Variants in MERTK observed in about 807,000 individuals in gnomAD.
The protein encoded by MERTK is tyrosine-protein kinase Mer.
Under a neutral mutation model 99.3 loss-of-function variants are expected in MERTK, and 69 were observed. The ratio of observed to expected loss-of-function variants is 0.70; its 90% CI spans 0.57 to 0.85. The LOEUF (loss-of-function observed/expected upper bound fraction) is 0.85, where lower values mean the gene tolerates loss of function less well. Ranked by LOEUF, MERTK falls within the 40% of genes least tolerant of loss-of-function variation. MERTK has a pLI of 0.00. For missense variants in MERTK, 1,125 were observed against 1,249.4 expected, an observed-to-expected ratio of 0.90 and a Z score of 1.50; for synonymous variants, 426 against 467.6, an observed-to-expected ratio of 0.91 and a Z score of 1.15.
chr2:111,954,040 T>C (rs763365481), intron 4 of MERTK, among the ~76,000 whole-genome samples: 3 of 152,194 alleles, frequency 2.0e-5, no homozygotes, highest in African/African-American at 4.8e-5. Flanking sequence ...ACCACCATAG[T>C]GAGTGATGCT....
Position 111,953,637 on chromosome 2 carries a change from G to A in MERTK, c.757+6070G>A, listed in dbSNP as rs763658578. ...GTCGCCCAGGCTGGAGTGCAATGGC[G>A]TGATCTCTGCTTATCGCAACCTCTG... On this transcript the variant is annotated intron_variant, in intron 4 of 18. Transcript: ENST00000295408. Among the ~76,000 whole-genome samples the A allele has an allele frequency of 2.0e-4, 30 of 151,954 alleles. 1 individual carries two copies. The highest frequency in any genetic ancestry group is 3.1e-4 in the Non-Finnish European group (21 of 68,016).
At chr2:111,944,691 A>G (rs1684931769) in intron 2 of MERTK, among the ~76,000 whole-genome samples, 1 of 151,864 alleles carries the variant, frequency 6.6e-6, no homozygotes, top group Non-Finnish European at 1.5e-5. Context: ...AAGGCCTTCA[A>G]CTGTTTGGAT....
intron 8 of MERTK, among the ~76,000 whole-genome samples, chr2:111,988,412 T>C (rs1676538593): frequency 6.6e-6 from 1 of 152,138 alleles, no homozygotes; most frequent in Non-Finnish European, 1.5e-5. Flanking sequence ...CATGAGTAGG[T>C]CAAATAAGCT....
At chr2:111,967,212 G>A (rs1685374033) in intron 5 of MERTK, among the ~76,000 whole-genome samples, 2 of 152,158 alleles carry the variant, frequency 1.3e-5, no homozygotes, top group South Asian at 2.1e-4. Flanking sequence ...TCAAGTCCCT[G>A]TTGTACTGCT....
chr2:111,910,272 T>TG (rs1040496960), intron 1 of MERTK, among the ~76,000 whole-genome samples: 2 of 68,012 alleles, frequency 2.9e-5, no homozygotes, highest in African/African-American at 1.2e-4. Flanking sequence ...CTCTGTTTTT[T>TG]GTTTTTTTTT....
Position 111,929,443 on chromosome 2 carries a change from T to C in MERTK, c.385T>C (p.Ser129Pro). ...TAATATATACCAGGACACCACAATTTCTTGGTGGAAAGATGGGAAGGAATT... is the reference window on the plus strand; with the variant it reads ...TAATATATACCAGGACACCACAATTCCTTGGTGGAAAGATGGGAAGGAATT... Reference protein sequence around the residue: ...VPNIYQDTTISWWKDGKELLG... With the variant: ...VPNIYQDTTIPWWKDGKELLG... Residue 129 changes from serine (S) to proline (P), a missense_variant, in exon 2 of 19, where the codon TCT (serine) becomes CCT (proline). By Grantham distance (74) the Ser-to-Pro change is moderately conservative. Coordinates refer to ENST00000295408, the MANE Select transcript of MERTK (RefSeq NM_006343.3). 1 of 1,614,128 alleles carries C rather than the reference T, an allele frequency of 6.2e-7. No individual in the cohort carries two copies. Among genetic ancestry groups the C allele is most frequent in the Non-Finnish European group, 8.5e-7 (1 of 1,179,992 alleles).
intron 5 of MERTK, among the ~76,000 whole-genome samples, chr2:111,965,562 C>T (rs552410550): frequency 6.6e-6 from 1 of 152,348 alleles, no homozygotes; most frequent in African/African-American, 2.4e-5. Context: ...TCGTTTAGCT[C>T]TGCTTACTCC....
intron 4 of MERTK, among the ~76,000 whole-genome samples, chr2:111,958,890 C>T (rs527440939): frequency 6.6e-6 from 1 of 152,022 alleles, no homozygotes; most frequent in Non-Finnish European, 1.5e-5. Context: ...CTGGCTCTTC[C>T]CCTTATGACA....
chr2:111,940,208 G>A (rs544374805), intron 2 of MERTK: 150 of 214,680 alleles, frequency 7.0e-4, no homozygotes, highest in African/African-American at 3.4e-3. Flanking sequence ...CCCCGAGAAT[G>A]TGATATATTG....
chr2:112,012,716 G>A (rs1268265077), intron 15 of MERTK, among the ~76,000 whole-genome samples: 2 of 152,068 alleles, frequency 1.3e-5, no homozygotes, highest in Admixed American at 6.5e-5. Context: ...CCCGACCTCC[G>A]GTAACTTATG....
At chr2:111,989,516 C>T (rs957933076) in intron 8 of MERTK, among the ~76,000 whole-genome samples, 10 of 152,182 alleles carry the variant, frequency 6.6e-5, no homozygotes, top group East Asian at 3.9e-4. Context: ...CCACCACGCC[C>T]GGCTAATTTT....
chr2:111,941,569 CCA>C (rs924146054), intron 2 of MERTK, among the ~76,000 whole-genome samples: 1 of 152,168 alleles, frequency 6.6e-6, no homozygotes, highest in Non-Finnish European at 1.5e-5. Context: ...GGTTGAGCCT[CCA>C]CAGAGACTGA....
At chr2:111,948,185 TC>T (rs1039407863) in intron 4 of MERTK, among the ~76,000 whole-genome samples, 19 of 152,268 alleles carry the variant, frequency 1.2e-4, no homozygotes, top group African/African-American at 3.4e-4. Context: ...GTTACCACAC[TC>T]CCTCCCTCCT....
chr2:111,982,211 C>T (rs1431016253), intron 7 of MERTK, among the ~76,000 whole-genome samples: 1 of 152,054 alleles, frequency 6.6e-6, no homozygotes, highest in Non-Finnish European at 1.5e-5. Flanking sequence ...CCTGTGCCAT[C>T]ACACCCAGCT....
intron 7 of MERTK, among the ~76,000 whole-genome samples, chr2:111,979,233 C>A (rs1328629398): frequency 6.6e-6 from 1 of 152,142 alleles, no homozygotes; most frequent in Non-Finnish European, 1.5e-5. Flanking sequence ...TGGGAACTTG[C>A]ATATCCTTAT....
intron 1 of MERTK, among the ~76,000 whole-genome samples, chr2:111,924,980 G>A (rs534744784): frequency 2.0e-5 from 3 of 152,034 alleles, no homozygotes; most frequent in Non-Finnish European, 2.9e-5. Flanking sequence ...ATGAGTAATC[G>A]TAAGATGTAT....
At chr2:111,930,403 T>C (rs1372700415) in intron 2 of MERTK, 1 of 151,164 alleles carries the variant, frequency 6.6e-6, no homozygotes, top group African/African-American at 2.4e-5. Context: ...TGTTCAGTAG[T>C]GGGATTTCAC....
Position 111,983,004 on chromosome 2 carries a change from AC to A in MERTK, c.1296+14del, listed in dbSNP as rs748346782. ...AGTGCAGGGATTTCCGTAAGTCTAA[AC>A]CCTAGAAGAGCACGATTAGTCATCT... On this transcript the variant is annotated intron_variant, in intron 8 of 18. Coordinates refer to ENST00000295408, the MANE Select transcript of MERTK (RefSeq NM_006343.3). 1.9e-5 allele frequency: 30 copies of A among 1,607,290 alleles called. No individual in the cohort carries two copies. Among genetic ancestry groups the A allele is most frequent in the Non-Finnish European group, 2.5e-5 (30 of 1,177,468 alleles).
intron 1 of MERTK, among the ~76,000 whole-genome samples, chr2:111,912,643 G>A (rs1416348329): frequency 6.6e-6 from 1 of 152,144 alleles, no homozygotes; most frequent in Non-Finnish European, 1.5e-5. Flanking sequence ...TCTGGACTAA[G>A]ATATTTCTTC....
Sources: allele counts gnomAD v4.1 joint callset (sites outside exome capture counted in the v4.1 genomes callset), GRCh38; gene constraint gnomAD v4.1.1; transcripts MANE v1.5; gene names NCBI Gene and HGNC (gene_info 2026-07-23, HGNC 2026-07-21).